The following SMIM10L2A variants were observed in gnomAD, a reference collection of about 807,000 sequenced individuals.
SMIM10L2A encodes the protein small integral membrane protein 10-like protein 2A.
A neutral mutation model predicts 3.0 loss-of-function variants in SMIM10L2A; 2 were observed. The ratio of observed to expected loss-of-function variants is 0.66; its 90% CI spans 0.27 to 2.08. SMIM10L2A has a LOEUF of 2.08. SMIM10L2A is among the 30% of genes most tolerant of loss of function. The probability of loss-of-function intolerance (pLI) is 0.14; values close to 1 mark genes in which losing one functional copy is unlikely to be tolerated. For synonymous variants in SMIM10L2A, 29 were observed against 34.8 expected (o/e 0.83, Z 0.58); for missense variants, 59 against 66.5 (o/e 0.89, Z 0.39).
In SMIM10L2A at chrX:135,422,008, C is replaced by G. The variant is rs1193143441; in HGVS notation, c.-124C>G. On this transcript the variant is annotated 5_prime_UTR_variant, in exon 1 of 2. Transcript: ENST00000417443. ...TGAGCCCCGCTCGGCCTTGGGAACA[C>G]GGGGGCGGGGCGGCCGCGGCTCTGG... 4 of 252,414 alleles carry G rather than the reference C, an allele frequency of 1.6e-5. No individual in the cohort carries two copies. Among genetic ancestry groups the G allele is most frequent in the South Asian group, 2.3e-4 (1 of 4,271 alleles). 20.8% of individuals were successfully genotyped at this position (252,414 alleles called of 1,213,427 possible).
Position 135,422,372 on chromosome X carries a change from C to CCGGCGGCGG in SMIM10L2A, c.*13_*21dup, listed in dbSNP as rs1218910926. On this transcript the variant is annotated 3_prime_UTR_variant, in exon 1 of 2. Coordinates refer to ENST00000417443, the MANE Select transcript of SMIM10L2A (RefSeq NM_203306.3). ...CCTGCAGGTGCGGATCGAGTGAGCG[C>CCGGCGGCGG]CGGCGGCGGCGGCGGCGAAGGCCCG... 4 of 644,216 alleles carry CCGGCGGCGG rather than the reference C, an allele frequency of 6.2e-6. No homozygotes were observed. In the Admixed American group the frequency reaches 1.7e-4, roughly 28 times the overall value. The allele number at this position is 644,216 out of a possible 1,213,427, so 53.1% of individuals were successfully genotyped here.
chrX:135,425,078 TC>T lies in SMIM10L2A; in HGVS notation c.*1809del, dbSNP rs1314415265. 1.8e-5 allele frequency: 2 copies of T among 111,389 alleles called. No individual in the cohort carries two copies. The highest frequency in any genetic ancestry group is 5.7e-4 in the East Asian group (2 of 3,494). 9.2% of individuals were successfully genotyped at this position (111,389 alleles called of 1,213,427 possible). A position where few individuals can be genotyped will look rare whatever the true frequency, so the allele number is the denominator to read the frequency against. Reference sequence around the variant, plus strand: ...TGTCTGATGCACAGATGTGGCCCTTTCAAACCCTGGTGTCACCCTCTGGGTG... The same window carrying T: ...TGTCTGATGCACAGATGTGGCCCTTTAAACCCTGGTGTCACCCTCTGGGTG... On this transcript the variant is annotated 3_prime_UTR_variant, in exon 2 of 2. Coordinates refer to ENST00000417443, the MANE Select transcript of SMIM10L2A (RefSeq NM_203306.3).
intron 1 of SMIM10L2A, among the ~76,000 whole-genome samples, chrX:135,423,387 C>A (rs372844698): frequency 9.7e-5 from 11 of 112,963 alleles, no homozygotes; most frequent in Non-Finnish European, 1.3e-4. Context: ...CTCCCTAAGG[C>A]CCCTAGCTAG....
chrX:135,423,442 G>A (rs2085139855), intron 1 of SMIM10L2A, among the ~76,000 whole-genome samples, 191 bp from the exon 2 acceptor site: 2 of 113,129 alleles, frequency 1.8e-5, no homozygotes, highest in Non-Finnish European at 3.7e-5. Context: ...GCCCCAGACG[G>A]CCTCTAGAAG....
At position 135,422,190 on chromosome X, in the gene SMIM10L2A, C is replaced by G; in HGVS notation, c.59C>G (p.Ala20Gly). ...AAAAAALSGL[A>G]VRLSRSAAAR... ...GCTGCGGCGGCCCTGTCTGGCCTGG[C>G]GGTGCGGCTGTCGCGCTCAGCTGCG... Residue 20 changes from alanine to glycine, a missense_variant, in exon 1 of 2, where the codon GCG (alanine) becomes GGG (glycine). Physicochemically the swap from Ala to Gly is moderately conservative, Grantham distance 60 (BLOSUM62 0). Coordinates refer to ENST00000417443, the MANE Select transcript of SMIM10L2A (RefSeq NM_203306.3). The G allele has an allele frequency of 6.3e-6, 6 of 946,622 alleles. No homozygotes were observed. Among genetic ancestry groups the G allele is most frequent in the Non-Finnish European group, 8.4e-6 (6 of 712,848 alleles). The allele number at this position is 946,622 out of a possible 1,213,427, so 78.0% of individuals were successfully genotyped here. A position where few individuals can be genotyped will look rare whatever the true frequency, so the allele number is the denominator to read the frequency against.
At position 135,423,491 on chromosome X, in the gene SMIM10L2A, G is replaced by C. The variant is rs1203828316; in HGVS notation, c.*363-142G>C. On this transcript the variant is annotated intron_variant, in intron 1 of 1. Coordinates refer to ENST00000417443, the MANE Select transcript of SMIM10L2A (RefSeq NM_203306.3). Reference sequence around the variant, plus strand: ...GAAGTGATCTGGGAAAAGGAGACCTGCCTGAGCACACAGCAGCTCTCAGCC... The same window carrying C: ...GAAGTGATCTGGGAAAAGGAGACCTCCCTGAGCACACAGCAGCTCTCAGCC... The C allele has an allele frequency of 7.0e-5, 8 of 113,720 alleles. No individual in the cohort carries two copies. The East Asian group carries it at 8.4e-4, about 12-fold the overall frequency. The allele number at this position is 113,720 out of a possible 1,213,427, so 9.4% of individuals were successfully genotyped here. A position where few individuals can be genotyped will look rare whatever the true frequency, so the allele number is the denominator to read the frequency against.
intron 1 of SMIM10L2A, 21 bp from the exon 2 acceptor site, chrX:135,423,612 A>G (rs1235784198): frequency 8.8e-6 from 1 of 113,931 alleles, no homozygotes; most frequent in Non-Finnish European, 1.9e-5. Flanking sequence ...TGAGGTCCCC[A>G]TCTCTTTCTT....
rs2085132184 is a variant in SMIM10L2A, at chrX:135,421,968, G to T, written c.-164G>T. ...TGTGCGGGATCGTGGAGGTGGGGCC[G>T]AGGCAGCGGCCGCCTGAGCCCCGCT... On this transcript the variant is annotated 5_prime_UTR_variant, in exon 1 of 2. Transcript: ENST00000417443. 1 of 241,550 alleles carries T rather than the reference G, an allele frequency of 4.1e-6. No individual in the cohort carries two copies. The highest frequency in any genetic ancestry group is 7.4e-6 in the Non-Finnish European group (1 of 135,416). 19.9% of individuals were successfully genotyped at this position (241,550 alleles called of 1,213,427 possible). A position where few individuals can be genotyped will look rare whatever the true frequency, so the allele number is the denominator to read the frequency against.
chrX:135,422,966 C>T (rs2085137755), intron 1 of SMIM10L2A, among the ~76,000 whole-genome samples: 1 of 112,355 alleles, frequency 8.9e-6, no homozygotes, highest in Admixed American at 9.3e-5. Context: ...GCCTGCCTCC[C>T]TTTCTGCAGA....
chrX:135,426,792 G>A lies in SMIM10L2A; in HGVS notation c.*3522G>A, dbSNP rs1436897983. 9.0e-6 allele frequency: 1 copy of A among 111,620 alleles called. No individual in the cohort carries two copies. The highest frequency in any genetic ancestry group is 3.2e-5 in the African/African-American group (1 of 30,823). The allele number at this position is 111,620 out of a possible 1,213,427, so 9.2% of individuals were successfully genotyped here. A position where few individuals can be genotyped will look rare whatever the true frequency, so the allele number is the denominator to read the frequency against. Reference sequence around the variant, plus strand: ...CATCCCTGCTACAGAGGAAAAGGCAGGAAGGCCGGTTCTGCTCCGATGGGA... The same window carrying A: ...CATCCCTGCTACAGAGGAAAAGGCAAGAAGGCCGGTTCTGCTCCGATGGGA... On this transcript the variant is annotated 3_prime_UTR_variant, in exon 2 of 2. Coordinates refer to ENST00000417443, the MANE Select transcript of SMIM10L2A (RefSeq NM_203306.3).
In SMIM10L2A at chrX:135,422,209, A is replaced by G. The variant is rs1317101206; in HGVS notation, c.78A>G (p.Ser26=). 8.9e-6 allele frequency: 9 copies of G among 1,012,956 alleles called. No homozygotes were observed. The highest frequency in any genetic ancestry group is 3.1e-5 in the Admixed American group (1 of 32,192). The allele number at this position is 1,012,956 out of a possible 1,213,427, so 83.5% of individuals were successfully genotyped here. Residue 26 remains serine (S), a synonymous_variant, in exon 1 of 2, where the codon TCA becomes TCG. Coordinates refer to ENST00000417443, the MANE Select transcript of SMIM10L2A (RefSeq NM_203306.3). ...GCCTGGCGGTGCGGCTGTCGCGCTC[A>G]GCTGCGGCCCGAGGCTCGTACGGCG... ...LSGLAVRLSR[S]AAARGSYGAF... is the part of the protein sequence containing the mutation.
Position 135,422,066 on chromosome X carries a change from C to T in SMIM10L2A, c.-66C>T, listed in dbSNP as rs1354893632. ...GCTGGGTGCACTAGTGCTCGGGTCC[C>T]ACCGCCCTGAGGCTCGCGCTCGAGC... On this transcript the variant is annotated 5_prime_UTR_variant, in exon 1 of 2. Transcript: ENST00000417443. 1.0e-5 allele frequency: 3 copies of T among 286,268 alleles called. No homozygotes were observed. The highest frequency in any genetic ancestry group is 1.8e-5 in the Non-Finnish European group (3 of 167,430). The allele number at this position is 286,268 out of a possible 1,213,427, so 23.6% of individuals were successfully genotyped here.
Position 135,422,324 on chromosome X carries a change from G to C in SMIM10L2A, c.193G>C (p.Ala65Pro). ...RMNFPYFYIVASVMLNVRLQV... is the reference protein window; with the variant it reads ...RMNFPYFYIVPSVMLNVRLQV... ...GAACTTCCCCTACTTCTACATCGTG[G>C]CCTCGGTGATGCTTAACGTCCGCCT... The change falls in exon 1 of 2, where the codon GCC (alanine) becomes CCC (proline). Residue 65 changes from alanine (A) to proline (P), a missense_variant. Coordinates refer to ENST00000417443, the MANE Select transcript of SMIM10L2A (RefSeq NM_203306.3). The C allele has an allele frequency of 1.1e-6, 1 of 908,545 alleles. No homozygotes were observed. Among genetic ancestry groups the C allele is most frequent in the Non-Finnish European group, 1.5e-6 (1 of 679,425 alleles). 74.9% of individuals were successfully genotyped at this position (908,545 alleles called of 1,213,427 possible).
Position 135,422,196 on chromosome X carries a change from G to A in SMIM10L2A, c.65G>A (p.Arg22Gln), listed in dbSNP as rs782612862. Residue 22 changes from arginine (R) to glutamine (Q), a missense_variant, in exon 1 of 2, where the codon CGG becomes CAG. Coordinates refer to ENST00000417443, the MANE Select transcript of SMIM10L2A (RefSeq NM_203306.3). The part of the protein sequence containing the change: ...AAAALSGLAV[R>Q]LSRSAAARGS... ...GCGGCCCTGTCTGGCCTGGCGGTGC[G>A]GCTGTCGCGCTCAGCTGCGGCCCGA... 8.2e-6 allele frequency: 8 copies of A among 972,768 alleles called. No homozygotes were observed. In the South Asian group the frequency reaches 1.5e-4, roughly 18 times the overall value. The allele number at this position is 972,768 out of a possible 1,213,427, so 80.2% of individuals were successfully genotyped here.
Position 135,421,970 on chromosome X carries a change from G to A in SMIM10L2A, c.-162G>A, listed in dbSNP as rs2085132199. 4.1e-6 allele frequency: 1 copy of A among 244,446 alleles called. No individual in the cohort carries two copies. The highest frequency in any genetic ancestry group is 7.3e-6 in the Non-Finnish European group (1 of 136,576). 20.1% of individuals were successfully genotyped at this position (244,446 alleles called of 1,213,427 possible). A position where few individuals can be genotyped will look rare whatever the true frequency, so the allele number is the denominator to read the frequency against. ...TGCGGGATCGTGGAGGTGGGGCCGAGGCAGCGGCCGCCTGAGCCCCGCTCG... is the reference window on the plus strand; with the variant it reads ...TGCGGGATCGTGGAGGTGGGGCCGAAGCAGCGGCCGCCTGAGCCCCGCTCG... On this transcript the variant is annotated 5_prime_UTR_variant, in exon 1 of 2. Coordinates refer to ENST00000417443, the MANE Select transcript of SMIM10L2A (RefSeq NM_203306.3).
Position 135,427,824 on chromosome X carries a change from T to TC in SMIM10L2A, c.*4554_*4555insC. 1 of 112,130 alleles carries TC rather than the reference T, an allele frequency of 8.9e-6. No homozygotes were observed. The highest frequency in any genetic ancestry group is 3.2e-5 in the African/African-American group (1 of 30,838). 9.2% of individuals were successfully genotyped at this position (112,130 alleles called of 1,213,427 possible). On this transcript the variant is annotated 3_prime_UTR_variant, in exon 2 of 2. Transcript: ENST00000417443. ...TTGGTGGGGGTTGGTTTGCTTTTTG[T>TC]TGTTGTTTTTCCTTGTTTTTATAAA... is the stretch of plus-strand genomic sequence containing the variant.
Position 135,424,826 on chromosome X carries a change from G to C in SMIM10L2A, c.*1556G>C, listed in dbSNP as rs1377966987. The stretch of plus-strand genomic sequence containing the variant: ...AGCGGCTGGACAGTGGCTGCCTCAT[G>C]ACCCTTGCAGTCTCCCACATCCAGG... On this transcript the variant is annotated 3_prime_UTR_variant, in exon 2 of 2. Coordinates refer to ENST00000417443, the MANE Select transcript of SMIM10L2A (RefSeq NM_203306.3). The C allele has an allele frequency of 2.7e-5, 3 of 111,626 alleles. No homozygotes were observed. Among genetic ancestry groups the C allele is most frequent in the African/African-American group, 9.8e-5 (3 of 30,615 alleles). 9.2% of individuals were successfully genotyped at this position (111,626 alleles called of 1,213,427 possible).
In SMIM10L2A at chrX:135,424,640, A is replaced by T. The variant is rs1272624237; in HGVS notation, c.*1370A>T. 10 of 111,409 alleles carry T rather than the reference A, an allele frequency of 9.0e-5. No homozygotes were observed. The highest frequency in any genetic ancestry group is 3.3e-4 in the African/African-American group (10 of 30,508). 9.2% of individuals were successfully genotyped at this position (111,409 alleles called of 1,213,427 possible). A position where few individuals can be genotyped will look rare whatever the true frequency, so the allele number is the denominator to read the frequency against. On this transcript the variant is annotated 3_prime_UTR_variant, in exon 2 of 2. Coordinates refer to ENST00000417443, the MANE Select transcript of SMIM10L2A (RefSeq NM_203306.3). ...CTATCCCCATTTCCGCATCTCTTGC[A>T]CTGGTACCCCGGGCGCCACGTTCTC...
At chrX:135,422,764 G>A (rs782402586) in intron 1 of SMIM10L2A, 34 bp downstream of exon 1, 43 of 115,676 alleles carry the variant, frequency 3.7e-4, no homozygotes, top group Non-Finnish European at 6.5e-4. Flanking sequence ...GGAGAGGGGC[G>A]GTGGCTCTGC....
Sources: allele counts gnomAD v4.1 joint callset (sites outside exome capture counted in the v4.1 genomes callset), GRCh38; gene constraint gnomAD v4.1.1; transcripts MANE v1.5; gene names NCBI Gene and HGNC (gene_info 2026-07-23, HGNC 2026-07-21).